CA10: variants seen among roughly 807,000 people sequenced by gnomAD.
CA10 encodes carbonic anhydrase-related protein 10.
CA10 carries 14 observed loss-of-function variants against 44.2 expected under a neutral mutation model. The ratio of observed to expected loss-of-function variants is 0.32; its 90% CI spans 0.21 to 0.50. CA10 has a LOEUF of 0.50. Among genes scored for constraint, CA10 ranks in the 20% least tolerant of loss-of-function variants. CA10 has a pLI of 0.99. For missense variants in CA10, 350 were observed against 409.7 expected (o/e 0.85, Z 1.26); for synonymous variants, 159 against 141.6 (o/e 1.12, Z -0.87).
chr17:51,674,395 C>T (rs954208026), intron 4 of CA10, among the ~76,000 whole-genome samples: 1 of 152,180 alleles, frequency 6.6e-6, no homozygotes, highest in African/African-American at 2.4e-5. Context: ...CTTTATCCTT[C>T]TTCTGTGGTT....
At chr17:51,985,701 T>C (rs992164458) in intron 2 of CA10, among the ~76,000 whole-genome samples, 13 of 151,990 alleles carry the variant, frequency 8.6e-5, no homozygotes, top group Admixed American at 2.6e-4. Flanking sequence ...AGCTGTCCTA[T>C]ACACCAATAA....
intron 4 of CA10, among the ~76,000 whole-genome samples, chr17:51,697,501 T>G (rs1915442535): frequency 6.6e-6 from 1 of 152,218 alleles, no homozygotes; most frequent in African/African-American, 2.4e-5. Flanking sequence ...GTCCTGACTC[T>G]TCTGATTAGT....
intron 3 of CA10, among the ~76,000 whole-genome samples, chr17:51,850,758 G>C (rs1444966595): frequency 6.6e-6 from 1 of 152,182 alleles, no homozygotes; most frequent in African/African-American, 2.4e-5. Flanking sequence ...GTAAGTTCTT[G>C]GTGCATGTGT....
chr17:51,798,261 A>G (rs9901011), intron 3 of CA10, among the ~76,000 whole-genome samples: 3,828 of 152,304 alleles, frequency 0.025, 159 homozygotes, highest in African/African-American at 0.086. Context: ...CTTCTACGTT[A>G]TTTAGGTGGG....
Position 51,649,248 on chromosome 17 carries a change from C to A in CA10, c.568G>T (p.Asp190Tyr). 1 of 1,610,930 alleles carries A rather than the reference C, an allele frequency of 6.2e-7. No homozygotes were observed. The highest frequency in any genetic ancestry group is 1.1e-5 in the South Asian group (1 of 90,996). The change falls in exon 6 of 9, where the codon GAT (aspartate) becomes TAT (tyrosine). Residue 190 changes from aspartate to tyrosine, a missense_variant. Transcript: ENST00000451037. ...CGATTAAGAAATGGGTTTGATGAAT[C>A]AGAAACCTGGAGGAGAAAAGAAAAT... ...VVVSIFIKVS[D>Y]SSNPFLNRML...
intron 3 of CA10, among the ~76,000 whole-genome samples, chr17:51,754,421 AT>A (rs1905012771): frequency 3.8e-5 from 3 of 78,394 alleles, no homozygotes; most frequent in Non-Finnish European, 8.3e-5. Flanking sequence ...ATATATATAT[AT>A]ATATATATAT....
At chr17:52,030,814 G>A (rs1986443639) in intron 2 of CA10, among the ~76,000 whole-genome samples, 1 of 152,010 alleles carries the variant, frequency 6.6e-6, no homozygotes, top group Admixed American at 6.6e-5. Context: ...CCCAGCCTTT[G>A]GGCTCCAGAA....
rs563596025 is a variant in CA10, at chr17:52,030,547, G to A, written c.136+41772C>T. ...ATATGCAGTCCTTGGGTACTGTGATGGTTAATTTTAGGTTTCAACTTCACT... is the reference window on the plus strand; with the variant it reads ...ATATGCAGTCCTTGGGTACTGTGATAGTTAATTTTAGGTTTCAACTTCACT... On this transcript the variant is annotated intron_variant, in intron 2 of 8. Coordinates refer to ENST00000451037, the MANE Select transcript of CA10 (RefSeq NM_020178.5). Among the ~76,000 whole-genome samples the A allele has an allele frequency of 5.3e-5, 8 of 152,244 alleles. No individual in the cohort carries two copies. In the East Asian group the frequency reaches 7.7e-4, roughly 15 times the overall value.
intron 1 of CA10, among the ~76,000 whole-genome samples, chr17:52,090,788 C>T (rs929645618): frequency 2.0e-5 from 3 of 152,064 alleles, no homozygotes; most frequent in Non-Finnish European, 2.9e-5. Flanking sequence ...ATTCTGCCCA[C>T]ACCCCTACAT....
intron 2 of CA10, among the ~76,000 whole-genome samples, chr17:52,026,154 G>A (rs1206602213): frequency 6.6e-6 from 1 of 152,086 alleles, no homozygotes; most frequent in Admixed American, 6.6e-5. Context: ...GAAGACAGAG[G>A]AAATTGTCTA....
chr17:51,795,506 A>T (rs986692090), intron 3 of CA10, among the ~76,000 whole-genome samples: 3 of 152,252 alleles, frequency 2.0e-5, no homozygotes, highest in Non-Finnish European at 4.4e-5. Context: ...GGCCAGAGAA[A>T]AGGAAAAAGT....
intron 2 of CA10, among the ~76,000 whole-genome samples, chr17:51,972,761 G>A (rs1984326918): frequency 6.6e-6 from 1 of 151,636 alleles, no homozygotes; most frequent in Non-Finnish European, 1.5e-5. Context: ...GTAAGTAAAG[G>A]AGAGAAGTAA....
chr17:52,005,965 G>A (rs552688538), intron 2 of CA10, among the ~76,000 whole-genome samples: 1 of 151,852 alleles, frequency 6.6e-6, no homozygotes, highest in African/African-American at 2.4e-5. Flanking sequence ...CTGCCTTTAT[G>A]TATAAAAATT....
intron 3 of CA10, among the ~76,000 whole-genome samples, chr17:51,913,352 C>G (rs886271253): frequency 2.6e-5 from 4 of 152,060 alleles, no homozygotes; most frequent in African/African-American, 9.7e-5. Flanking sequence ...GACATATATG[C>G]CTAGGAGAGA....
chr17:52,008,796 G>C (rs1338379482), intron 2 of CA10, among the ~76,000 whole-genome samples: 1 of 151,840 alleles, frequency 6.6e-6, no homozygotes, highest in Non-Finnish European at 1.5e-5. Context: ...TTTTGATCCT[G>C]CTTTTGAATA....
chr17:52,137,735 G>A (rs963965041), intron 1 of CA10, among the ~76,000 whole-genome samples: 7 of 152,114 alleles, frequency 4.6e-5, no homozygotes, highest in African/African-American at 1.2e-4. Context: ...AATAAATCAC[G>A]GGGTGAATAA....
At chr17:51,639,048 G>A (rs1238207501) in intron 6 of CA10, among the ~76,000 whole-genome samples, 1 of 152,164 alleles carries the variant, frequency 6.6e-6, no homozygotes, top group East Asian at 1.9e-4. Flanking sequence ...CAGCACTACT[G>A]GGAGTTTGGA....
intron 2 of CA10, among the ~76,000 whole-genome samples, chr17:52,017,757 G>T (rs1198267376): frequency 6.6e-6 from 1 of 152,082 alleles, no homozygotes; most frequent in African/African-American, 2.4e-5. Flanking sequence ...GCAACCACTT[G>T]CTAGAGACAT....
chr17:51,876,160 GTTTTTTTTTTTTTT>G (rs3033579), intron 3 of CA10, among the ~76,000 whole-genome samples: 4 of 59,762 alleles, frequency 6.7e-5, no homozygotes, highest in African/African-American at 1.5e-4. Context: ...TTCTTCTCTC[GTTTTTTTTTTTTTT>G]TTTTTTTTTT....
Sources: gnomAD v4.1 joint callset for allele counts (sites outside exome capture counted in the v4.1 genomes callset) on GRCh38, gnomAD v4.1.1 for gene constraint, MANE v1.5 for transcripts, NCBI Gene and HGNC (gene_info 2026-07-23, HGNC 2026-07-21) for gene names.